Variants in ZNF536 observed in about 807,000 individuals in gnomAD.
ZNF536 encodes the protein zinc finger protein 536.
In ZNF536, 13 loss-of-function variants were observed where a neutral mutation model predicts 84.5. The ratio of observed to expected loss-of-function variants is 0.15; its 90% CI spans 0.10 to 0.24. The LOEUF is 0.24. Among genes scored for constraint, ZNF536 ranks in the 10% least tolerant of loss-of-function variants. The pLI is 1.00. For missense variants in ZNF536, 1,536 were observed against 1,747.5 expected, an observed-to-expected ratio of 0.88 and a Z score of 2.16; for synonymous variants, 811 against 742.5, an observed-to-expected ratio of 1.09 and a Z score of -1.50.
intron 2 of ZNF536, among the ~76,000 whole-genome samples, chr19:30,467,369 A>G (rs1488775111): frequency 6.6e-6 from 1 of 152,122 alleles, no homozygotes; most frequent in Non-Finnish European, 1.5e-5. Context: ...TCACACAGTA[A>G]TTGTCCTTCC....
At chr19:30,640,715 G>A (rs952179332) in intron 1 of ZNF536, among the ~76,000 whole-genome samples, 5 of 152,238 alleles carry the variant, frequency 3.3e-5, no homozygotes, top group African/African-American at 9.6e-5. Flanking sequence ...ATATGAAGTG[G>A]TAGCAGTGGC....
chr19:30,311,913 TA>T (rs948961057), intron 2 of ZNF536, among the ~76,000 whole-genome samples: 12 of 151,054 alleles, frequency 7.9e-5, no homozygotes, highest in East Asian at 3.9e-4. Flanking sequence ...TACGAAAAGT[TA>T]AAAAAAAATT....
At chr19:30,577,531 G>A (rs979887272) in intron 1 of ZNF536, among the ~76,000 whole-genome samples, 1 of 152,038 alleles carries the variant, frequency 6.6e-6, no homozygotes, top group East Asian at 1.9e-4. Context: ...TTTAAGTATT[G>A]CAGATTTAAA....
chr19:30,277,957 G>A (rs540335902), intron 1 of ZNF536, among the ~76,000 whole-genome samples: 3 of 152,162 alleles, frequency 2.0e-5, no homozygotes, highest in Non-Finnish European at 2.9e-5. Flanking sequence ...CCTTGTGGGC[G>A]GTGCTGTCTT....
chr19:30,297,558 G>A (rs2046039510), intron 2 of ZNF536, among the ~76,000 whole-genome samples: 1 of 152,220 alleles, frequency 6.6e-6, no homozygotes, highest in Non-Finnish European at 1.5e-5. Flanking sequence ...CCTATCAAGG[G>A]TGGTCAGAAC....
At chr19:30,294,399 A>G (rs1278321394) in intron 2 of ZNF536, among the ~76,000 whole-genome samples, 6 of 152,230 alleles carry the variant, frequency 3.9e-5, no homozygotes, top group Admixed American at 3.9e-4. Flanking sequence ...ATAGTACAAA[A>G]TGATGCTCTT....
At chr19:30,458,599 T>C (rs1654331) in intron 2 of ZNF536, among the ~76,000 whole-genome samples, 3 of 151,972 alleles carry the variant, frequency 2.0e-5, no homozygotes, top group Non-Finnish European at 4.4e-5. Flanking sequence ...ATTACAGGCA[T>C]ATGCCACCAC....
chr19:30,507,226 G>A (rs1304445043), intron 2 of ZNF536, among the ~76,000 whole-genome samples: 1 of 152,142 alleles, frequency 6.6e-6, no homozygotes, highest in Non-Finnish European at 1.5e-5. Flanking sequence ...TCTGGTTGTG[G>A]TGATGCATGC....
At chr19:30,227,035 G>A (rs756478921), upstream of ZNF536, among the ~76,000 whole-genome samples, 1 of 152,024 alleles carries the variant, frequency 6.6e-6, no homozygotes, top group Non-Finnish European at 1.5e-5. Context: ...TGATGAGTAG[G>A]AAAGTGTCCA....
intron 1 of ZNF536, among the ~76,000 whole-genome samples, chr19:30,681,823 A>G (rs1053461921): frequency 3.3e-5 from 5 of 152,056 alleles, no homozygotes; most frequent in Non-Finnish European, 5.9e-5. Flanking sequence ...CCCTTCCCCA[A>G]TGACATCTCC....
At chr19:30,657,959 C>A (rs1335926762) in intron 1 of ZNF536, among the ~76,000 whole-genome samples, 2 of 152,154 alleles carry the variant, frequency 1.3e-5, no homozygotes, top group Non-Finnish European at 2.9e-5. Context: ...GAAGGAACTT[C>A]TGGAAATGTA....
At chr19:30,329,515 G>C (rs570684906) in intron 2 of ZNF536, among the ~76,000 whole-genome samples, 3 of 152,032 alleles carry the variant, frequency 2.0e-5, no homozygotes, top group Admixed American at 1.3e-4. Context: ...TAAAGTGTGT[G>C]GGATCAACCA....
At chr19:30,510,847 C>T (rs758343502) in intron 2 of ZNF536, among the ~76,000 whole-genome samples, 1 of 152,192 alleles carries the variant, frequency 6.6e-6, no homozygotes, top group Non-Finnish European at 1.5e-5. Flanking sequence ...AGAGTGACAT[C>T]TTCTTGTCCC....
At chr19:30,361,988 A>G (rs1197273550) in intron 3 of ZNF536, among the ~76,000 whole-genome samples, 1 of 152,028 alleles carries the variant, frequency 6.6e-6, no homozygotes, top group Admixed American at 6.6e-5. Context: ...CAACTAAAAA[A>G]GGAGGCACAT....
At chr19:30,305,433 G>A (rs191990316) in intron 2 of ZNF536, among the ~76,000 whole-genome samples, 32 of 152,304 alleles carry the variant, frequency 2.1e-4, no homozygotes, top group Non-Finnish European at 3.1e-4. Flanking sequence ...ATTGAGTCAA[G>A]TGCTTGGCAA....
rs533173675 is a variant in ZNF536 at position 30,335,926 on chromosome 19, T to C, written c.-119-16442T>C. On this transcript the variant is annotated intron_variant, in intron 2 of 5. Transcript: ENST00000585628. ...CCCTGGCTCAGATGACCATCCCCAC[T>C]GAATGGATTCCTCCTAAATGAATAG... Among the ~76,000 whole-genome samples the C allele has an allele frequency of 1.2e-4, 19 of 152,218 alleles. No individual in the cohort carries two copies. The South Asian group carries it at 4.0e-3, about 32-fold the overall frequency.
intron 1 of ZNF536, among the ~76,000 whole-genome samples, chr19:30,580,227 C>T (rs1018299076): frequency 2.0e-5 from 3 of 152,192 alleles, no homozygotes; most frequent in African/African-American, 7.2e-5. Flanking sequence ...GGGCTGGGGA[C>T]CCCTTCCCTG....
chr19:30,415,605 T>G (rs938597456), intron 1 of ZNF536, among the ~76,000 whole-genome samples: 2 of 151,148 alleles, frequency 1.3e-5, no homozygotes, highest in Non-Finnish European at 3.0e-5. Flanking sequence ...GTCATCATCA[T>G]CATCATCATC....
intron 1 of ZNF536, among the ~76,000 whole-genome samples, chr19:30,229,721 C>T (rs1302765425): frequency 6.6e-6 from 1 of 152,218 alleles, no homozygotes; most frequent in Non-Finnish European, 1.5e-5. Context: ...TCTCCTGATT[C>T]CACCATTAAC....
Sources: gnomAD v4.1 joint callset for allele counts (sites outside exome capture counted in the v4.1 genomes callset) on GRCh38, gnomAD v4.1.1 for gene constraint, MANE v1.5 for transcripts, NCBI Gene and HGNC (gene_info 2026-07-23, HGNC 2026-07-21) for gene names.